Variants in HTR1F observed in about 807,000 individuals in gnomAD.
HTR1F encodes 5-hydroxytryptamine receptor 1F.
Under a neutral mutation model 24.0 loss-of-function variants are expected in HTR1F, and 17 were observed. That is an observed-to-expected ratio of 0.71 (90% CI 0.48 to 1.06). The LOEUF is 1.06. Ranked by LOEUF, HTR1F falls within the 50% of genes least tolerant of loss-of-function variation. The pLI, the probability that HTR1F is intolerant of heterozygous loss-of-function variation, is 0.00. For missense variants in HTR1F, 391 were observed against 427.8 expected (o/e 0.91, Z 0.76); for synonymous variants, 186 against 156.8 (o/e 1.19, Z -1.39).
chr3:87,845,743 T>C (rs1166593758), intron 2 of HTR1F, among the ~76,000 whole-genome samples: 10 of 151,940 alleles, frequency 6.6e-5, no homozygotes, highest in Non-Finnish European at 1.3e-4. Context: ...ACAAGTTCTG[T>C]CTTACCACAC....
chr3:87,907,148 C>T (rs1198555435), intron 2 of HTR1F, among the ~76,000 whole-genome samples: 1 of 151,932 alleles, frequency 6.6e-6, no homozygotes, highest in Admixed American at 6.6e-5. Context: ...TTTACATTCC[C>T]ACCAACATGT....
At chr3:87,853,470 T>C (rs541129119) in intron 2 of HTR1F, among the ~76,000 whole-genome samples, 5 of 152,110 alleles carry the variant, frequency 3.3e-5, no homozygotes, top group South Asian at 2.1e-4. Context: ...CAGTCTATCA[T>C]TGATTGGCAT....
At chr3:87,872,543 G>A (rs1705581154) in intron 2 of HTR1F, among the ~76,000 whole-genome samples, 1 of 151,710 alleles carries the variant, frequency 6.6e-6, no homozygotes, top group Non-Finnish European at 1.5e-5. Flanking sequence ...CTAACTAAAA[G>A]AGACTAAGTA....
At chr3:87,915,351 G>C (rs1257051003) in intron 2 of HTR1F, among the ~76,000 whole-genome samples, 1 of 152,092 alleles carries the variant, frequency 6.6e-6, no homozygotes, top group African/African-American at 2.4e-5. Flanking sequence ...AAACCAGGAA[G>C]AAACCCCTGA....
At chr3:87,880,612 A>T (rs2107278997) in intron 2 of HTR1F, among the ~76,000 whole-genome samples, 1 of 151,756 alleles carries the variant, frequency 6.6e-6, no homozygotes, top group Non-Finnish European at 1.5e-5. Flanking sequence ...CTAACTCTTC[A>T]AATTGTTCAG....
At position 87,849,058 on chromosome 3, in the gene HTR1F, A is replaced by G. The variant is rs967556016; in HGVS notation, c.-43+26934A>G. On this transcript the variant is annotated intron_variant, in intron 2 of 2. Coordinates refer to ENST00000319595, the MANE Select transcript of HTR1F (RefSeq NM_001322209.2). ...CAAGGTAATTTACAGATTCACTACC[A>G]TCCCCATCAAGCTACCAATGACTTT... Among the ~76,000 whole-genome samples, 68 of 151,612 alleles carry G rather than the reference A, an allele frequency of 4.5e-4. 2 individuals are homozygous for G. Among genetic ancestry groups the G allele is most frequent in the African/African-American group, 1.5e-3 (61 of 40,924 alleles).
intron 2 of HTR1F, among the ~76,000 whole-genome samples, chr3:87,851,922 T>A (rs982585798): frequency 5.3e-5 from 8 of 151,102 alleles, no homozygotes; most frequent in Admixed American, 6.6e-5. Flanking sequence ...AAAATAACAG[T>A]TTAATTTACT....
At position 87,991,325 on chromosome 3, in the gene HTR1F, C is replaced by T. The variant is rs1275516798; in HGVS notation, c.576C>T (p.Ile192=). 6.2e-7 allele frequency: 1 copy of T among 1,613,868 alleles called. No individual in the cohort carries two copies. The highest frequency in any genetic ancestry group is 1.1e-5 in the South Asian group (1 of 91,080). The stretch of plus-strand genomic sequence containing the variant: ...ACTCAACATTTGGAGCTTTCTACAT[C>T]CCACTGGCATTGATTTTGATCCTTT... ...TIYSTFGAFY[I]PLALILILYY... The change falls in exon 3 of 3, where the codon ATC becomes ATT. Residue 192 remains isoleucine (I), a synonymous_variant. Transcript: ENST00000319595.
intron 1 of HTR1F, chr3:87,793,131 G>A (rs1054114431): frequency 6.6e-6 from 1 of 152,538 alleles, no homozygotes; most frequent in African/African-American, 2.4e-5. Context: ...GAAGGGAGGG[G>A]TCTGACCCGG....
intron 1 of HTR1F, among the ~76,000 whole-genome samples, chr3:87,802,779 A>G (rs747182906): frequency 1.3e-5 from 2 of 152,192 alleles, no homozygotes; most frequent in African/African-American, 2.4e-5. Flanking sequence ...GGTACACATA[A>G]AAGTAAATAG....
intron 2 of HTR1F, among the ~76,000 whole-genome samples, chr3:87,860,024 C>T (rs921589397): frequency 2.6e-5 from 4 of 152,284 alleles, no homozygotes; most frequent in Non-Finnish European, 4.4e-5. Flanking sequence ...TTAATTTTCA[C>T]TACAAATGTA....
chr3:87,921,195 G>T (rs1463115537), intron 2 of HTR1F, among the ~76,000 whole-genome samples: 1 of 151,928 alleles, frequency 6.6e-6, no homozygotes, highest in African/African-American at 2.4e-5. Context: ...ACATAATTCT[G>T]ATTCTTGTGT....
At chr3:87,916,351 G>C (rs1374073821) in intron 2 of HTR1F, among the ~76,000 whole-genome samples, 1 of 131,816 alleles carries the variant, frequency 7.6e-6, no homozygotes, top group Non-Finnish European at 1.7e-5. Context: ...GCAACAAATA[G>C]CATGAAGAAT....
intron 2 of HTR1F, among the ~76,000 whole-genome samples, chr3:87,939,598 T>C (rs936533401): frequency 2.0e-5 from 3 of 152,202 alleles, no homozygotes; most frequent in Admixed American, 1.3e-4. Context: ...GCTTTGGTCT[T>C]GGGAGAGTGT....
At chr3:87,801,858 G>A (rs1475970212) in intron 1 of HTR1F, among the ~76,000 whole-genome samples, 1 of 151,970 alleles carries the variant, frequency 6.6e-6, no homozygotes, top group East Asian at 1.9e-4. Context: ...AAATAGTCAA[G>A]GTTATATCCA....
In HTR1F at chr3:87,991,849, A is replaced by G. The variant is rs1486953954; in HGVS notation, c.1100A>G (p.Ter367TrpextTer2). 1 of 1,554,462 alleles carries G rather than the reference A, an allele frequency of 6.4e-7. No individual in the cohort carries two copies. The highest frequency in any genetic ancestry group is 2.3e-5 in the East Asian group (1 of 44,084). The part of the protein sequence containing the change: ...AFQKLVRCRC[*>W] The stretch of plus-strand genomic sequence containing the variant: ...CAAAAGCTTGTGCGATGTCGATGTT[A>G]GTTTTAAAAATGTTTATTATTGAAG... Residue 367 changes from the stop codon to tryptophan, a stop_lost, in exon 3 of 3, where the codon TAG (stop) becomes TGG (tryptophan). Coordinates refer to ENST00000319595, the MANE Select transcript of HTR1F (RefSeq NM_001322209.2).
chr3:87,894,945 G>T (rs1706167317), intron 2 of HTR1F, among the ~76,000 whole-genome samples: 2 of 152,064 alleles, frequency 1.3e-5, no homozygotes, highest in African/African-American at 2.4e-5. Flanking sequence ...GTGACGCCTG[G>T]CTCATGATTA....
intron 2 of HTR1F, among the ~76,000 whole-genome samples, chr3:87,939,515 G>C (rs1276088323): frequency 2.6e-5 from 4 of 152,044 alleles, no homozygotes; most frequent in Admixed American, 6.5e-5. Context: ...GGCTTTTTTT[G>C]GTTGGTAGGC....
chr3:87,834,908 C>A (rs1704652198), intron 2 of HTR1F, among the ~76,000 whole-genome samples: 1 of 152,110 alleles, frequency 6.6e-6, no homozygotes, highest in African/African-American at 2.4e-5. Flanking sequence ...TAAGTAGTTG[C>A]AACAGAGACC....
Sources: gnomAD v4.1 joint callset for allele counts (sites outside exome capture counted in the v4.1 genomes callset) on GRCh38, gnomAD v4.1.1 for gene constraint, MANE v1.5 for transcripts, NCBI Gene and HGNC (gene_info 2026-07-23, HGNC 2026-07-21) for gene names.